Variants in RCAN2 observed in about 807,000 individuals in gnomAD.
RCAN2 encodes calcipressin-2.
A neutral mutation model predicts 23.6 loss-of-function variants in RCAN2; 9 were observed. The observed-to-expected ratio is 0.38, with a 90% CI of 0.23 to 0.67. The LOEUF (loss-of-function observed/expected upper bound fraction) is 0.67. RCAN2 is among the 30% of genes least tolerant of loss of function. The pLI is 0.51. For synonymous variants in RCAN2, 109 were observed against 115.7 expected (o/e 0.94, Z 0.37); for missense variants, 273 against 302.3 (o/e 0.90, Z 0.72).
intron 2 of RCAN2, among the ~76,000 whole-genome samples, chr6:46,290,761 C>T (rs552565906): frequency 1.3e-5 from 2 of 152,186 alleles, no homozygotes; most frequent in South Asian, 2.1e-4. Flanking sequence ...ACCGTGAAGA[C>T]GGAAGCCTGA....
chr6:46,292,445 T>G (rs936344099), intron 2 of RCAN2, among the ~76,000 whole-genome samples: 1 of 150,508 alleles, frequency 6.6e-6, no homozygotes, highest in African/African-American at 2.4e-5. Flanking sequence ...TTTGTTTTTT[T>G]TTTTGGTGGG....
chr6:46,248,983 T>A, intron 2 of RCAN2, 87 bp from the exon 3 acceptor site: 1 of 894,416 alleles, frequency 1.1e-6, no homozygotes, highest in South Asian at 2.0e-5. Flanking sequence ...AACAACTAAA[T>A]AAATAGGCTG....
At chr6:46,261,136 C>T (rs1276480796) in intron 2 of RCAN2, among the ~76,000 whole-genome samples, 3 of 152,154 alleles carry the variant, frequency 2.0e-5, no homozygotes, top group Non-Finnish European at 2.9e-5. Flanking sequence ...TAGATATAGG[C>T]TCTAATTGTG....
intron 2 of RCAN2, among the ~76,000 whole-genome samples, chr6:46,431,484 G>A (rs574688274): frequency 4.3e-4 from 65 of 152,230 alleles, no homozygotes; most frequent in African/African-American, 1.3e-3. Flanking sequence ...ATAGAAGTCC[G>A]CTCCTTGTTT....
At chr6:46,298,228 T>G (rs1561848005) in intron 2 of RCAN2, among the ~76,000 whole-genome samples, 2 of 152,126 alleles carry the variant, frequency 1.3e-5, no homozygotes, top group Non-Finnish European at 2.9e-5. Context: ...TGTCCTTCAA[T>G]ACTGTGAAAT....
intron 2 of RCAN2, among the ~76,000 whole-genome samples, chr6:46,388,891 C>A (rs1014518402): frequency 1.3e-5 from 2 of 152,118 alleles, no homozygotes; most frequent in African/African-American, 4.8e-5. Context: ...TGCAGCAAAC[C>A]ACCATGGCAC....
At chr6:46,364,414 AT>A (rs1395869222) in intron 2 of RCAN2, among the ~76,000 whole-genome samples, 1 of 152,164 alleles carries the variant, frequency 6.6e-6, no homozygotes, top group East Asian at 1.9e-4. Context: ...AGGCAAGCTG[AT>A]TATTAAAATT....
chr6:46,441,996 G>A (rs544660173), intron 2 of RCAN2, among the ~76,000 whole-genome samples: 26 of 152,230 alleles, frequency 1.7e-4, no homozygotes, highest in Non-Finnish European at 3.8e-4. Context: ...CTGCTGTGAT[G>A]GTTACCTTGG....
intron 2 of RCAN2, among the ~76,000 whole-genome samples, chr6:46,349,113 CATCTT>C (rs749020765): frequency 6.6e-6 from 1 of 152,130 alleles, no homozygotes; most frequent in Non-Finnish European, 1.5e-5. Context: ...TACTAATAAA[CATCTT>C]ATGCATTATA....
At chr6:46,273,585 T>A (rs933969362) in intron 2 of RCAN2, among the ~76,000 whole-genome samples, 4 of 152,238 alleles carry the variant, frequency 2.6e-5, no homozygotes, top group Admixed American at 6.5e-5. Flanking sequence ...AACTAAAAGT[T>A]ATGACCATAG....
intron 1 of RCAN2, among the ~76,000 whole-genome samples, chr6:46,459,912 A>G (rs958866347): frequency 1.3e-5 from 2 of 152,176 alleles, no homozygotes; most frequent in South Asian, 2.1e-4. Context: ...ACACATCGTG[A>G]TAATTTCAGA....
intron 2 of RCAN2, among the ~76,000 whole-genome samples, chr6:46,440,829 G>A (rs1418398119): frequency 1.3e-5 from 2 of 152,116 alleles, no homozygotes; most frequent in African/African-American, 2.4e-5. Context: ...AAAGTATCAC[G>A]TGAACCTTAT....
chr6:46,249,018 A>G (rs949197775), intron 2 of RCAN2, 122 bp from the exon 3 acceptor site: 8 of 619,938 alleles, frequency 1.3e-5, no homozygotes, highest in Admixed American at 3.4e-5. Context: ...TTTAAATAGA[A>G]CACCAGTAAT....
At chr6:46,373,546 C>T (rs1418589635) in intron 2 of RCAN2, among the ~76,000 whole-genome samples, 1 of 152,186 alleles carries the variant, frequency 6.6e-6, no homozygotes, top group Non-Finnish European at 1.5e-5. Context: ...TGTGAGCCAC[C>T]ATGCCCAGAC....
intron 2 of RCAN2, among the ~76,000 whole-genome samples, chr6:46,258,237 G>A (rs1766984613): frequency 6.6e-6 from 1 of 152,172 alleles, no homozygotes; most frequent in South Asian, 2.1e-4. Flanking sequence ...CACTCTGGAT[G>A]TGATGGGCGT....
chr6:46,386,626 A>C (rs1442504249), intron 2 of RCAN2, among the ~76,000 whole-genome samples: 3 of 151,466 alleles, frequency 2.0e-5, no homozygotes, highest in Non-Finnish European at 4.4e-5. Flanking sequence ...AAAAAAAAAA[A>C]AAAACTAAAC....
chr6:46,271,275 G>C (rs1561837084), intron 2 of RCAN2, among the ~76,000 whole-genome samples: 1 of 152,164 alleles, frequency 6.6e-6, no homozygotes, highest in Non-Finnish European at 1.5e-5. Flanking sequence ...AGGCTGGAGA[G>C]GTAAGATGAG....
At chr6:46,301,548 T>C (rs1375554991) in intron 2 of RCAN2, among the ~76,000 whole-genome samples, 1 of 152,128 alleles carries the variant, frequency 6.6e-6, no homozygotes, top group Non-Finnish European at 1.5e-5. Context: ...TTCTAGTCTC[T>C]GTTGAACAAG....
At chr6:46,230,151 A>T (rs1038771742) in intron 4 of RCAN2, among the ~76,000 whole-genome samples, 1 of 152,140 alleles carries the variant, frequency 6.6e-6, no homozygotes, top group Non-Finnish European at 1.5e-5. Flanking sequence ...TTCGTCTCAG[A>T]GGGGCACCTG....
Sources: gnomAD v4.1 joint callset for allele counts (sites outside exome capture counted in the v4.1 genomes callset) on GRCh38, gnomAD v4.1.1 for gene constraint, MANE v1.5 for transcripts, NCBI Gene and HGNC (gene_info 2026-07-23, HGNC 2026-07-21) for gene names.